SIPA1L3: variants seen among roughly 807,000 people sequenced by gnomAD.
SIPA1L3 encodes signal induced proliferation associated 1 like 3, also known as signal-induced proliferation-associated 1-like protein 3.
In SIPA1L3, 59 loss-of-function variants were observed where a neutral mutation model predicts 150.1. The ratio of observed to expected loss-of-function variants is 0.39; its 90% CI spans 0.32 to 0.49. SIPA1L3 has a LOEUF of 0.49. Ranked by LOEUF, SIPA1L3 falls within the 20% of genes least tolerant of loss-of-function variation. The pLI is 0.86. For missense variants in SIPA1L3, 2,211 were observed against 2,489.5 expected, an observed-to-expected ratio of 0.89 and a Z score of 2.38; for synonymous variants, 1,070 against 1,077.6, an observed-to-expected ratio of 0.99 and a Z score of 0.14.
chr19:38,129,310 G>A (rs1021907531), intron 9 of SIPA1L3, among the ~76,000 whole-genome samples: 12 of 152,164 alleles, frequency 7.9e-5, no homozygotes, highest in Non-Finnish European at 2.9e-5. Context: ...AGGAGATGGG[G>A]AAAGGGTTTC....
chr19:38,019,443 G>A (rs569705562), intron 1 of SIPA1L3, among the ~76,000 whole-genome samples: 2 of 152,306 alleles, frequency 1.3e-5, no homozygotes, highest in Non-Finnish European at 2.9e-5. Context: ...CCAGCTTTGC[G>A]TTTCTGCTGA....
chr19:38,039,943 G>A (rs987376375), intron 2 of SIPA1L3, among the ~76,000 whole-genome samples: 1 of 151,882 alleles, frequency 6.6e-6, no homozygotes, highest in Admixed American at 6.6e-5. Context: ...TAGCAAGACC[G>A]CATCTCTACA....
chr19:38,132,320 G>A (rs1488447861), intron 10 of SIPA1L3, among the ~76,000 whole-genome samples: 3 of 151,878 alleles, frequency 2.0e-5, no homozygotes, highest in Non-Finnish European at 4.4e-5. Flanking sequence ...AGCACTTCGG[G>A]AGGCCGAGGC....
At chr19:38,141,508 C>A (rs1364047793) in intron 11 of SIPA1L3, 73 bp downstream of exon 11, 1 of 1,459,460 alleles carries the variant, frequency 6.9e-7, no homozygotes, top group Non-Finnish European at 9.3e-7. Flanking sequence ...CCCTCCCTCT[C>A]CTCACTATTT....
At chr19:37,968,892 G>A (rs1055138176) in intron 1 of SIPA1L3, among the ~76,000 whole-genome samples, 1 of 152,228 alleles carries the variant, frequency 6.6e-6, no homozygotes, top group Non-Finnish European at 1.5e-5. Context: ...GGGAGGGGAA[G>A]GTGGTCGATT....
intron 1 of SIPA1L3, among the ~76,000 whole-genome samples, chr19:37,988,109 A>G (rs1196441844): frequency 6.6e-6 from 1 of 151,922 alleles, no homozygotes; most frequent in South Asian, 2.1e-4. Context: ...CTCCTGCCCT[A>G]CCTCTCCTGG....
At chr19:38,169,845 G>A (rs1257583834) in intron 15 of SIPA1L3, among the ~76,000 whole-genome samples, 1 of 152,108 alleles carries the variant, frequency 6.6e-6, no homozygotes, top group African/African-American at 2.4e-5. Context: ...AGGCAGAGGG[G>A]TCAGGGTCAG....
chr19:38,075,283 C>T (rs1373906096), intron 2 of SIPA1L3, among the ~76,000 whole-genome samples: 1 of 151,802 alleles, frequency 6.6e-6, no homozygotes, highest in Non-Finnish European at 1.5e-5. Context: ...ACGGAGAAAA[C>T]CCGTCTCTAC....
chr19:38,181,031 G>A (rs922117460), intron 15 of SIPA1L3, among the ~76,000 whole-genome samples: 1 of 152,016 alleles, frequency 6.6e-6, no homozygotes, highest in African/African-American at 2.4e-5. Flanking sequence ...CACATATGTT[G>A]GTACCCTTGA....
At chr19:38,136,191 A>AAAAT (rs2145928915) in intron 10 of SIPA1L3, among the ~76,000 whole-genome samples, 1 of 149,428 alleles carries the variant, frequency 6.7e-6, no homozygotes, top group African/African-American at 2.5e-5. Context: ...CTCAAAAAAA[A>AAAAT]AAAAAAAAAA....
chr19:38,164,673 G>A lies in SIPA1L3; in HGVS notation c.3975G>A (p.Leu1325=), dbSNP rs374248867. The change falls in exon 15 of 22, where the codon CTG becomes CTA. Residue 1325 remains leucine, a synonymous_variant. Coordinates refer to ENST00000222345, the MANE Select transcript of SIPA1L3 (RefSeq NM_015073.3). The surrounding 1 kb of genome is among the most constrained non-coding windows in gnomAD (Gnocchi z 4.1). ...CCTCCAGCCCTAGCTGCATGTCCCT[G>A]GCCAAGGCTCCACGGCCCGCCAAGC... The part of the protein sequence containing the change: ...LYTSSPSCMS[L]AKAPRPAKPH... The A allele has an allele frequency of 1.2e-6, 2 of 1,613,964 alleles. No individual in the cohort carries two copies. The highest frequency in any genetic ancestry group is 2.7e-5 in the African/African-American group (2 of 74,912).
At chr19:38,193,807 G>A (rs757626879) in intron 18 of SIPA1L3, 27 bp downstream of exon 18, 39 of 1,528,744 alleles carry the variant, frequency 2.6e-5, no homozygotes, top group Middle Eastern at 2.4e-4. Flanking sequence ...TGGGACTGGC[G>A]CGGTAGTTAC....
intron 13 of SIPA1L3, among the ~76,000 whole-genome samples, chr19:38,153,342 T>C (rs979145392): frequency 6.6e-6 from 1 of 152,190 alleles, no homozygotes; most frequent in African/African-American, 2.4e-5. Context: ...CCTCCTGTGT[T>C]GTTTTCAACT....
At chr19:38,188,073 G>A (rs896254399) in intron 16 of SIPA1L3, among the ~76,000 whole-genome samples, 8 of 152,048 alleles carry the variant, frequency 5.3e-5, no homozygotes, top group Non-Finnish European at 7.4e-5. Flanking sequence ...TGTATGTGCT[G>A]TAGCTCACTG....
chr19:37,941,071 T>TACACACACACACACACACACACACAC (rs869026715), intron 1 of SIPA1L3, among the ~76,000 whole-genome samples: 1 of 133,086 alleles, frequency 7.5e-6, no homozygotes, highest in African/African-American at 2.7e-5. Flanking sequence ...GTTTGAGATG[T>TACACACACACACACACACACACACAC]ACACACACAC....
Position 38,192,212 on chromosome 19 carries a change from C to T in SIPA1L3, c.4498C>T (p.Arg1500Trp), listed in dbSNP as rs147814643. The change falls in exon 17 of 22, where the codon CGG becomes TGG. Residue 1500 changes from arginine (R) to tryptophan (W), a missense_variant. Physicochemically the swap from Arg to Trp is moderately radical, Grantham distance 101. Transcript: ENST00000222345. The stretch of plus-strand genomic sequence containing the variant: ...GTTGAGGGCATCCCTCCGAGACCTC[C>T]GGTCACCACGGAAGAACTACAAATC... Reference protein sequence around the residue: ...PRLRASLRDLRSPRKNYKSTI... With the variant: ...PRLRASLRDLWSPRKNYKSTI... The T allele has an allele frequency of 9.9e-6, 16 of 1,613,568 alleles. No homozygotes were observed. The highest frequency in any genetic ancestry group is 5.0e-5 in the Admixed American group (3 of 59,934).
At chr19:37,950,720 C>A (rs1286339673) in intron 1 of SIPA1L3, among the ~76,000 whole-genome samples, 1 of 152,232 alleles carries the variant, frequency 6.6e-6, no homozygotes. Context: ...CTGCTCCCTC[C>A]GCTGCGAGCC....
At chr19:38,066,207 A>G (rs917978389) in intron 2 of SIPA1L3, among the ~76,000 whole-genome samples, 11 of 151,830 alleles carry the variant, frequency 7.2e-5, no homozygotes, top group Non-Finnish European at 1.5e-4. Flanking sequence ...TTGTAGAGAT[A>G]GGGTCTCGTT....
At chr19:37,950,691 C>T (rs2046755599) in intron 1 of SIPA1L3, among the ~76,000 whole-genome samples, 1 of 152,230 alleles carries the variant, frequency 6.6e-6, no homozygotes, top group East Asian at 1.9e-4. Flanking sequence ...CTGGCGCTTG[C>T]TCCCCACAAG....
Sources: gnomAD v4.1 joint callset for allele counts (sites outside exome capture counted in the v4.1 genomes callset) on GRCh38, gnomAD v4.1.1 for gene constraint, Gnocchi (gnomAD v3.1) non-coding constraint, MANE v1.5 for transcripts, NCBI Gene and HGNC (gene_info 2026-07-23, HGNC 2026-07-21) for gene names.